Variants in PIP5K1A observed in about 807,000 individuals in gnomAD.
PIP5K1A encodes phosphatidylinositol 4-phosphate 5-kinase type-1 alpha.
A neutral mutation model predicts 72.9 loss-of-function variants in PIP5K1A; 46 were observed. That is an observed-to-expected ratio of 0.63 (90% confidence interval 0.50 to 0.81). The LOEUF is 0.81. Ranked by LOEUF, PIP5K1A falls within the 30% of genes least tolerant of loss-of-function variation. The probability of loss-of-function intolerance (pLI) is 0.00; values close to 1 mark genes in which losing one functional copy is unlikely to be tolerated. For missense variants in PIP5K1A, 458 were observed against 706.1 expected (o/e 0.65, Z 3.98); for synonymous variants, 228 against 255.1 (o/e 0.89, Z 1.01).
At chr1:151,240,842 T>TAA (rs1293801161) in intron 12 of PIP5K1A, among the ~76,000 whole-genome samples, 1 of 152,196 alleles carries the variant, frequency 6.6e-6, no homozygotes, top group Non-Finnish European at 1.5e-5. Flanking sequence ...GCTGGGCACA[T>TAA]ACATGCTAAG....
intron 1 of PIP5K1A, among the ~76,000 whole-genome samples, chr1:151,209,378 A>G (rs751607602): frequency 2.0e-5 from 3 of 150,728 alleles, no homozygotes; most frequent in Non-Finnish European, 4.4e-5. Flanking sequence ...GGTTCAAGCA[A>G]TTCTGCCTTA....
intron 6 of PIP5K1A, 51 bp from the exon 7 acceptor site, chr1:151,232,500 G>A (rs772658076): frequency 6.4e-7 from 1 of 1,571,360 alleles, no homozygotes; most frequent in Non-Finnish European, 8.7e-7. Context: ...TTTTGTGTTG[G>A]GCAAGGCCCT....
chr1:151,210,928 T>C (rs1686712931), intron 1 of PIP5K1A, among the ~76,000 whole-genome samples: 1 of 152,146 alleles, frequency 6.6e-6, no homozygotes, highest in South Asian at 2.1e-4. Context: ...GGCAATTAAA[T>C]TGGACCTCAG....
chr1:151,198,378 A>C (rs931827978), upstream of PIP5K1A, among the ~76,000 whole-genome samples: 1 of 152,012 alleles, frequency 6.6e-6, no homozygotes, highest in Non-Finnish European at 1.5e-5. Context: ...CTGCCGAGCC[A>C]CCGTAGGGAC....
chr1:151,231,088 T>C (rs1229354323), intron 4 of PIP5K1A, among the ~76,000 whole-genome samples: 1 of 151,786 alleles, frequency 6.6e-6, no homozygotes, highest in Non-Finnish European at 1.5e-5. Context: ...ATGCCTGTAA[T>C]CTCAGCTACT....
chr1:151,226,713 C>CAAA (rs112650908), intron 3 of PIP5K1A, among the ~76,000 whole-genome samples: 4 of 124,836 alleles, frequency 3.2e-5, no homozygotes, highest in Non-Finnish European at 3.3e-5. Flanking sequence ...AACTCTGTCT[C>CAAA]AAAAAAAAAA....
At chr1:151,241,360 C>G (rs763088590) in intron 12 of PIP5K1A, among the ~76,000 whole-genome samples, 1 of 150,950 alleles carries the variant, frequency 6.6e-6, no homozygotes, top group African/African-American at 2.4e-5. Context: ...AAAAATTAGC[C>G]GGGCATGGTG....
At position 151,216,900 on chromosome 1, in the gene PIP5K1A, G is replaced by GTTTTT. The variant is rs78155966; in HGVS notation, c.86-7319_86-7315dup. On this transcript the variant is annotated intron_variant, in intron 1 of 15. Coordinates refer to ENST00000368888, the MANE Select transcript of PIP5K1A (RefSeq NM_001135638.2). ...ACCCAAGGTTACCTACTTAGTAAAT[G>GTTTTT]TTTTTTTTTTTTTTTTTTTTTTTTT... 7.3e-5 allele frequency among the ~76,000 whole-genome samples: 10 copies of GTTTTT among 136,778 alleles called. No individual in the cohort carries two copies. In the South Asian group the frequency reaches 7.4e-4, roughly 10 times the overall value. The allele number at this position is 136,778 out of a possible 152,430, so 89.7% of individuals were successfully genotyped here. A position where few individuals can be genotyped will look rare whatever the true frequency, so the allele number is the denominator to read the frequency against.
At chr1:151,216,361 A>C (rs1687616136) in intron 1 of PIP5K1A, among the ~76,000 whole-genome samples, 1 of 151,806 alleles carries the variant, frequency 6.6e-6, no homozygotes, top group South Asian at 2.1e-4. Context: ...AAAAAAAAAA[A>C]AAAAACAGTT....
rs151165501 is a variant in PIP5K1A, at chr1:151,223,947, G to A, written c.86-298G>A. 553 of 408,878 alleles carry A rather than the reference G, an allele frequency of 1.4e-3. 6 individuals carry two copies. The highest frequency in any genetic ancestry group is 1.0e-2 in the African/African-American group (493 of 49,456). The allele number at this position is 408,878 out of a possible 1,614,324, so 25.3% of individuals were successfully genotyped here. ...CATGCCACTGCACTCCAGCCTGGGC[G>A]ATAGAGTGAGACTCCATCTCAAAAA... On this transcript the variant is annotated intron_variant, in intron 1 of 15. Transcript: ENST00000368888.
chr1:151,224,235 T>TC lies in PIP5K1A; in HGVS notation c.86-4dup, dbSNP rs753234897. ...ATACACTCTTATGATTGTTTTTTTT[T>TC]CCCCCCTAGCAGCATCTGGAATCAA... On this transcript the variant is annotated splice_polypyrimidine_tract_variant and intron_variant, in intron 1 of 15. Transcript: ENST00000368888. 2 of 1,609,552 alleles carry TC rather than the reference T, an allele frequency of 1.2e-6. No homozygotes were observed. The highest frequency in any genetic ancestry group is 1.7e-5 in the Admixed American group (1 of 59,960).
At chr1:151,213,744 G>GTTT (rs1687192352) in intron 1 of PIP5K1A, among the ~76,000 whole-genome samples, 1 of 152,076 alleles carries the variant, frequency 6.6e-6, no homozygotes. Context: ...TGTGTGTGTG[G>GTTT]GGAGTGTGGT....
chr1:151,197,722 C>T (rs1572104670), upstream of PIP5K1A, among the ~76,000 whole-genome samples: 1 of 152,202 alleles, frequency 6.6e-6, no homozygotes, highest in East Asian at 1.9e-4. Context: ...TGTACGAAGT[C>T]ACTGGAGGAG....
chr1:151,228,198 C>G (rs142557628), intron 4 of PIP5K1A, among the ~76,000 whole-genome samples: 9 of 152,156 alleles, frequency 5.9e-5, no homozygotes, highest in African/African-American at 1.9e-4. Flanking sequence ...ATTGCAGTGG[C>G]ATGATCATTG....
intron 1 of PIP5K1A, among the ~76,000 whole-genome samples, chr1:151,211,490 CA>C (rs1438655132): frequency 2.7e-5 from 4 of 150,192 alleles, no homozygotes; most frequent in Non-Finnish European, 5.9e-5. Flanking sequence ...GTCTCAAGAC[CA>C]AAAAACTTAA....
intron 10 of PIP5K1A, 48 bp from the exon 11 acceptor site, chr1:151,239,082 C>G: frequency 1.5e-6 from 2 of 1,368,118 alleles, no homozygotes; most frequent in South Asian, 2.4e-5. Flanking sequence ...TTATTAAGGT[C>G]ATTTATTTAA....
intron 1 of PIP5K1A, among the ~76,000 whole-genome samples, chr1:151,222,801 G>A (rs1688564964): frequency 6.6e-6 from 1 of 152,168 alleles, no homozygotes; most frequent in Non-Finnish European, 1.5e-5. Flanking sequence ...GGGTATGTTG[G>A]GGGATGGGGC....
At chr1:151,227,440 T>C in intron 4 of PIP5K1A, 40 bp downstream of exon 4, 3 of 1,336,638 alleles carry the variant, frequency 2.2e-6, no homozygotes, top group Non-Finnish European at 3.2e-6. Flanking sequence ...CTCCAGGAGC[T>C]CAGCAGCTTA....
chr1:151,239,820 G>A (rs1291633226), intron 11 of PIP5K1A, 135 bp from the exon 12 acceptor site: 4 of 690,136 alleles, frequency 5.8e-6, no homozygotes, highest in Admixed American at 2.3e-5. Context: ...GAGCCACTAC[G>A]TCTGGCCCCT....
Sources: allele counts gnomAD v4.1 joint callset (sites outside exome capture counted in the v4.1 genomes callset), GRCh38; gene constraint gnomAD v4.1.1; transcripts MANE v1.5; gene names NCBI Gene and HGNC (gene_info 2026-07-23, HGNC 2026-07-21).